NUDT4: variants seen among roughly 807,000 people sequenced by gnomAD.
NUDT4 encodes diphosphoinositol polyphosphate phosphohydrolase 2.
A neutral mutation model predicts 23.1 loss-of-function variants in NUDT4; 5 were observed. The ratio of observed to expected loss-of-function variants is 0.22; its 90% CI spans 0.11 to 0.46. NUDT4 has a LOEUF of 0.46. Among genes scored for constraint, NUDT4 ranks in the 20% least tolerant of loss-of-function variants. The probability of loss-of-function intolerance (pLI) is 0.99; values close to 1 mark genes in which losing one functional copy is unlikely to be tolerated. For missense variants in NUDT4, 96 were observed against 211.6 expected (o/e 0.45, Z 3.39); for synonymous variants, 50 against 79.0 (o/e 0.63, Z 1.95).
At chr12:93,381,811 CA>C (rs2120854883) in intron 1 of NUDT4, among the ~76,000 whole-genome samples, 2 of 152,276 alleles carry the variant, frequency 1.3e-5, no homozygotes, top group South Asian at 4.1e-4. Flanking sequence ...TAGTTTTGAA[CA>C]AAGAACATTG....
intron 1 of NUDT4, among the ~76,000 whole-genome samples, chr12:93,383,785 T>C (rs1267785125): frequency 2.6e-5 from 4 of 152,160 alleles, no homozygotes; most frequent in African/African-American, 9.6e-5. Flanking sequence ...TGAGCTGAGA[T>C]TGCGCCACTG....
chr12:93,386,307 TG>T (rs753030713), intron 1 of NUDT4, among the ~76,000 whole-genome samples: 98 of 152,152 alleles, frequency 6.4e-4, no homozygotes, highest in Non-Finnish European at 1.0e-3. Flanking sequence ...CTGGGCACAG[TG>T]GCTCACACCT....
intron 3 of NUDT4, 71 bp downstream of exon 3, chr12:93,395,604 G>A (rs1006293951): frequency 1.3e-5 from 15 of 1,197,730 alleles, no homozygotes; most frequent in Admixed American, 1.7e-5. Context: ...ACCAAATAAT[G>A]TGGCAGCAGC....
chr12:93,390,018 A>G (rs1876374340), intron 1 of NUDT4, among the ~76,000 whole-genome samples: 1 of 152,210 alleles, frequency 6.6e-6, no homozygotes, highest in Non-Finnish European at 1.5e-5. Context: ...AGAACTGGAA[A>G]CATCATAGTC....
rs1288979940 is a variant in NUDT4 at position 93,406,838 on chromosome 12, C to T, written c.*7459C>T. The T allele has an allele frequency of 2.6e-5, 4 of 152,108 alleles. No individual in the cohort carries two copies. The highest frequency in any genetic ancestry group is 3.8e-4 in the East Asian group (2 of 5,198). The allele number at this position is 152,108 out of a possible 1,614,324, so 9.4% of individuals were successfully genotyped here. The stretch of plus-strand genomic sequence containing the variant: ...CAAAGGAAGTCCTAGAACCAGTTCC[C>T]GACAAATACCAAGAGATGACTTTAC... On this transcript the variant is annotated 3_prime_UTR_variant, in exon 5 of 5. Transcript: ENST00000415493.
At chr12:93,394,798 G>T (rs2120947809) in intron 2 of NUDT4, 79 bp downstream of exon 2, 1 of 837,790 alleles carries the variant, frequency 1.2e-6, no homozygotes, top group East Asian at 2.7e-5. Context: ...AAGACAGCGA[G>T]ACGGGTCCAG....
rs957767675 is a variant in NUDT4 at position 93,406,735 on chromosome 12, G to A, written c.*7356G>A. ...AAGTAATCTAAATATTAACATAAGC[G>A]GGAGGATTTGTGTAGATTGTATGCA... is the stretch of plus-strand genomic sequence containing the variant. On this transcript the variant is annotated 3_prime_UTR_variant, in exon 5 of 5. Coordinates refer to ENST00000415493, the MANE Select transcript of NUDT4 (RefSeq NM_019094.6). 3.3e-5 allele frequency: 5 copies of A among 152,102 alleles called. No homozygotes were observed. The highest frequency in any genetic ancestry group is 7.3e-5 in the Non-Finnish European group (5 of 68,032). 9.4% of individuals were successfully genotyped at this position (152,102 alleles called of 1,614,324 possible). A position where few individuals can be genotyped will look rare whatever the true frequency, so the allele number is the denominator to read the frequency against.
At chr12:93,399,082 G>A (rs930967731) in intron 4 of NUDT4, 95 bp from the exon 5 acceptor site, 23 of 870,446 alleles carry the variant, frequency 2.6e-5, no homozygotes, top group Non-Finnish European at 3.6e-5. Flanking sequence ...ACATATTGTT[G>A]TCTAAGTCAT....
rs1236919289 is a variant in NUDT4 at position 93,405,146 on chromosome 12, T to C, written c.*5767T>C. On this transcript the variant is annotated 3_prime_UTR_variant, in exon 5 of 5. Coordinates refer to ENST00000415493, the MANE Select transcript of NUDT4 (RefSeq NM_019094.6). The stretch of plus-strand genomic sequence containing the variant: ...AGAAACAGCACCAAGTTCAATCTAG[T>C]GCAATCAGCCTATCACATCTAAGCT... 8 of 152,328 alleles carry C rather than the reference T, an allele frequency of 5.3e-5. No homozygotes were observed. The East Asian group carries it at 9.6e-4, about 18-fold the overall frequency. 9.4% of individuals were successfully genotyped at this position (152,328 alleles called of 1,614,324 possible).
chr12:93,394,735 A>G lies in NUDT4; in HGVS notation c.210+16A>G. 1 of 1,480,764 alleles carries G rather than the reference A, an allele frequency of 6.8e-7. No individual in the cohort carries two copies. The highest frequency in any genetic ancestry group is 9.2e-7 in the Non-Finnish European group (1 of 1,082,174). 91.7% of individuals were successfully genotyped at this position (1,480,764 alleles called of 1,614,324 possible). Reference sequence around the variant, plus strand: ...TTATGAGGAGGTGAGATGTTCTTTCACACAAATTCTGTTTCGGAGTTTTAA... The same window carrying G: ...TTATGAGGAGGTGAGATGTTCTTTCGCACAAATTCTGTTTCGGAGTTTTAA... On this transcript the variant is annotated intron_variant, in intron 2 of 4. Coordinates refer to ENST00000415493, the MANE Select transcript of NUDT4 (RefSeq NM_019094.6).
At chr12:93,385,615 A>G (rs1875999208) in intron 1 of NUDT4, among the ~76,000 whole-genome samples, 1 of 152,088 alleles carries the variant, frequency 6.6e-6, no homozygotes, top group African/African-American at 2.4e-5. Flanking sequence ...TAGCATGCTA[A>G]CTATACTAGT....
intron 2 of NUDT4, among the ~76,000 whole-genome samples, chr12:93,395,277 C>T (rs573989720): frequency 6.6e-5 from 10 of 152,130 alleles, no homozygotes; most frequent in African/African-American, 1.2e-4. Context: ...TGAGCCACAG[C>T]GCCCAGCCAG....
chr12:93,382,563 C>T (rs1875748188), intron 1 of NUDT4, among the ~76,000 whole-genome samples: 1 of 152,100 alleles, frequency 6.6e-6, no homozygotes, highest in African/African-American at 2.4e-5. Context: ...AGTCAGTCCA[C>T]CCTTTTCACA....
Position 93,401,400 on chromosome 12 carries a change from T to C in NUDT4, c.*2021T>C, listed in dbSNP as rs1877408858. On this transcript the variant is annotated 3_prime_UTR_variant, in exon 5 of 5. Transcript: ENST00000415493. ...TAACATAGCAGAGAAACTGGATTGT[T>C]TTTGTATATAAGACTGCTTCCACCT... The C allele has an allele frequency of 2.7e-5, 4 of 149,060 alleles. No individual in the cohort carries two copies. The highest frequency in any genetic ancestry group is 2.0e-4 in the Admixed American group (3 of 14,692). The allele number at this position is 149,060 out of a possible 1,614,324, so 9.2% of individuals were successfully genotyped here.
chr12:93,382,300 C>T (rs1031913715), intron 1 of NUDT4, among the ~76,000 whole-genome samples: 3 of 151,002 alleles, frequency 2.0e-5, no homozygotes, highest in Admixed American at 2.0e-4. Context: ...AAAACCACTA[C>T]TCTTCCATAG....
chr12:93,378,778 G>T, intron 1 of NUDT4: 1 of 1,013,962 alleles, frequency 9.9e-7, no homozygotes, highest in Non-Finnish European at 1.2e-6. Flanking sequence ...AGCGAGAGGA[G>T]GGTGGAAATG....
intron 1 of NUDT4, among the ~76,000 whole-genome samples, chr12:93,393,134 G>T (rs1300534681): frequency 2.7e-5 from 3 of 112,030 alleles, no homozygotes; most frequent in East Asian, 2.8e-4. Flanking sequence ...TTGCTCTGTT[G>T]CCCAGGCTGG....
intron 2 of NUDT4, 126 bp from the exon 3 acceptor site, chr12:93,395,363 G>A: frequency 2.8e-6 from 2 of 703,708 alleles, no homozygotes; most frequent in Non-Finnish European, 5.1e-6. Flanking sequence ...CAGGAAGATA[G>A]TGAGTTGGTA....
rs1407265719 is a variant in NUDT4 at position 93,402,710 on chromosome 12, C to T, written c.*3331C>T. The stretch of plus-strand genomic sequence containing the variant: ...TTGCTTTACTGCTGTTCTCCCCACC[C>T]CCGTGGAGTTGTGTCATTATTTTAA... On this transcript the variant is annotated 3_prime_UTR_variant, in exon 5 of 5. Transcript: ENST00000415493. The T allele has an allele frequency of 6.6e-6, 1 of 152,132 alleles. No individual in the cohort carries two copies. Among genetic ancestry groups the T allele is most frequent in the Admixed American group, 6.5e-5 (1 of 15,274 alleles). 9.4% of individuals were successfully genotyped at this position (152,132 alleles called of 1,614,324 possible).
Sources: gnomAD v4.1 joint callset for allele counts (sites outside exome capture counted in the v4.1 genomes callset) on GRCh38, gnomAD v4.1.1 for gene constraint, MANE v1.5 for transcripts, NCBI Gene and HGNC (gene_info 2026-07-23, HGNC 2026-07-21) for gene names.